The following GPM6A variants were observed in gnomAD, a reference collection of about 807,000 sequenced individuals.
GPM6A encodes the protein neuronal membrane glycoprotein M6-a.
GPM6A carries 7 observed loss-of-function variants against 32.1 expected under a neutral mutation model. That is an observed-to-expected ratio of 0.22 (90% CI 0.12 to 0.41). The LOEUF (loss-of-function observed/expected upper bound fraction) is 0.41. Ranked by LOEUF, GPM6A falls within the 10% of genes least tolerant of loss-of-function variation. The pLI is 1.00. For missense variants in GPM6A, 235 were observed against 347.2 expected, an observed-to-expected ratio of 0.68 and a Z score of 2.57; for synonymous variants, 130 against 123.4, an observed-to-expected ratio of 1.05 and a Z score of -0.35.
intron 1 of GPM6A, among the ~76,000 whole-genome samples, chr4:175,976,211 G>A (rs1740654559): frequency 6.7e-6 from 1 of 148,796 alleles, no homozygotes; most frequent in South Asian, 2.1e-4. Flanking sequence ...CCAGGCTGGA[G>A]TGCAGCTGCA....
chr4:175,800,979 C>T lies in GPM6A; in HGVS notation c.37+11212G>A. The T allele has an allele frequency of 1.0e-5, 2 of 194,642 alleles. 1 individual carries two copies. Among genetic ancestry groups the T allele is most frequent in the Admixed American group, 9.4e-5 (2 of 21,228 alleles). 12.1% of individuals were successfully genotyped at this position (194,642 alleles called of 1,614,324 possible). A position where few individuals can be genotyped will look rare whatever the true frequency, so the allele number is the denominator to read the frequency against. ...AAAGGACATTCTGTCTACATTAAGA[C>T]AAGCAGGGTAAGTCTTAAACACTTG... On this transcript the variant is annotated intron_variant, in intron 1 of 6. Transcript: ENST00000393658.
chr4:175,681,684 A>G (rs1743697540), intron 2 of GPM6A, among the ~76,000 whole-genome samples: 1 of 151,962 alleles, frequency 6.6e-6, no homozygotes, highest in Admixed American at 6.6e-5. Context: ...TGGCCATGTG[A>G]TGTGCCTGCT....
chr4:175,763,525 T>A (rs994817124), intron 1 of GPM6A, among the ~76,000 whole-genome samples: 1 of 152,176 alleles, frequency 6.6e-6, no homozygotes, highest in Admixed American at 6.6e-5. Context: ...TAATTTTATT[T>A]TCCCCTTATT....
chr4:175,843,586 C>T (rs1413474180), intron 1 of GPM6A, among the ~76,000 whole-genome samples: 4 of 152,108 alleles, frequency 2.6e-5, no homozygotes, highest in Admixed American at 6.6e-5. Flanking sequence ...GGGACCCAGG[C>T]GAGCTTCATA....
intron 1 of GPM6A, among the ~76,000 whole-genome samples, chr4:175,811,149 G>A (rs1433682928): frequency 6.6e-6 from 1 of 151,804 alleles, no homozygotes; most frequent in Non-Finnish European, 1.5e-5. Context: ...CTAAAAATAT[G>A]GTAACTATAC....
intron 3 of GPM6A, among the ~76,000 whole-genome samples, chr4:175,669,748 A>G (rs1280930756): frequency 6.6e-6 from 1 of 152,222 alleles, no homozygotes; most frequent in Non-Finnish European, 1.5e-5. Context: ...TGTCTCAGAG[A>G]TTGACCTTAT....
At chr4:175,833,477 T>A (rs1052316502) in intron 1 of GPM6A, among the ~76,000 whole-genome samples, 3 of 152,160 alleles carry the variant, frequency 2.0e-5, no homozygotes, top group Non-Finnish European at 4.4e-5. Context: ...CATAGAGCAA[T>A]CTTCAATCCT....
intron 1 of GPM6A, among the ~76,000 whole-genome samples, chr4:175,930,449 T>C (rs1367866601): frequency 6.6e-6 from 1 of 151,172 alleles, no homozygotes; most frequent in Non-Finnish European, 1.5e-5. Flanking sequence ...TTTGTTGTTG[T>C]TTTTTTTAAG....
chr4:175,839,253 A>C (rs549607969), intron 1 of GPM6A, among the ~76,000 whole-genome samples: 3 of 152,356 alleles, frequency 2.0e-5, no homozygotes, highest in African/African-American at 7.2e-5. Context: ...AATAAATAGA[A>C]TCAAACAAGT....
intron 1 of GPM6A, among the ~76,000 whole-genome samples, chr4:175,908,850 T>C (rs1216601150): frequency 2.0e-5 from 3 of 152,096 alleles, no homozygotes; most frequent in African/African-American, 7.2e-5. Flanking sequence ...CATATTGTAT[T>C]GGGCTTTGTC....
intron 1 of GPM6A, among the ~76,000 whole-genome samples, chr4:175,937,508 A>G (rs570268446): frequency 1.3e-5 from 2 of 152,302 alleles, no homozygotes; most frequent in East Asian, 1.9e-4. Flanking sequence ...AGTTTCCGAC[A>G]TGTACAAATG....
chr4:175,878,250 G>A (rs1306494173), intron 1 of GPM6A, among the ~76,000 whole-genome samples: 1 of 152,154 alleles, frequency 6.6e-6, no homozygotes, highest in East Asian at 1.9e-4. Flanking sequence ...GGGGTCTGGA[G>A]GATAGTGGCC....
chr4:175,984,656 A>G (rs556402416), intron 1 of GPM6A, among the ~76,000 whole-genome samples: 298 of 152,232 alleles, frequency 2.0e-3, no homozygotes, highest in African/African-American at 6.9e-3. Flanking sequence ...CTTTTCCTCT[A>G]TATTTTTAAA....
At chr4:175,783,776 T>C (rs898787169) in intron 1 of GPM6A, among the ~76,000 whole-genome samples, 1 of 151,792 alleles carries the variant, frequency 6.6e-6, no homozygotes, top group Non-Finnish European at 1.5e-5. Context: ...AATAGAAAAA[T>C]AAATTTTGCA....
chr4:175,920,150 A>G (rs1379129051), intron 1 of GPM6A, among the ~76,000 whole-genome samples: 1 of 152,180 alleles, frequency 6.6e-6, no homozygotes, highest in Non-Finnish European at 1.5e-5. Flanking sequence ...AGAAGGGGAA[A>G]TTGTCCTTTC....
chr4:175,638,647 A>G (rs1740954543), intron 6 of GPM6A, among the ~76,000 whole-genome samples: 2 of 152,124 alleles, frequency 1.3e-5, no homozygotes, highest in South Asian at 4.1e-4. Context: ...GTATTTTTAG[A>G]CAGAATTTTA....
intron 1 of GPM6A, among the ~76,000 whole-genome samples, chr4:175,846,280 G>A (rs552196918): frequency 1.5e-4 from 23 of 152,162 alleles, no homozygotes; most frequent in Middle Eastern, 3.4e-3. Context: ...ATGAATATTT[G>A]AAAACTTACC....
At chr4:175,932,069 T>G (rs1739064723) in intron 1 of GPM6A, among the ~76,000 whole-genome samples, 1 of 142,130 alleles carries the variant, frequency 7.0e-6, no homozygotes, top group South Asian at 2.2e-4. Flanking sequence ...CACTCCAGCC[T>G]GCGAGCCAGA....
chr4:175,990,125 A>T (rs1741094077), intron 1 of GPM6A, among the ~76,000 whole-genome samples: 1 of 152,078 alleles, frequency 6.6e-6, no homozygotes, highest in South Asian at 2.1e-4. Context: ...GTTCTTGATG[A>T]CTCCTTCCTC....
Sources: allele counts gnomAD v4.1 joint callset (sites outside exome capture counted in the v4.1 genomes callset), GRCh38; gene constraint gnomAD v4.1.1; transcripts MANE v1.5; gene names NCBI Gene and HGNC (gene_info 2026-07-23, HGNC 2026-07-21).